WDR43: variants seen among roughly 807,000 people sequenced by gnomAD.
The protein encoded by WDR43 is WD repeat-containing protein 43.
In WDR43, 13 loss-of-function variants were observed where a neutral mutation model predicts 91.4. The ratio of observed to expected loss-of-function variants is 0.14; its 90% CI spans 0.09 to 0.23. The LOEUF is 0.23. WDR43 is among the 10% of genes least tolerant of loss of function. WDR43 has a pLI of 1.00. For synonymous variants in WDR43, 331 were observed against 287.9 expected (o/e 1.15, Z -1.51); for missense variants, 780 against 809.4 (o/e 0.96, Z 0.44).
rs1288529415 is a variant in WDR43 at position 28,938,019 on chromosome 2, C to T, written c.1620+25C>T. ...GGTGAGTCTTTTCAGCTTCTGTTGCCGAGTATGAATAGTTTGGCTTTGATA... is the reference window on the plus strand; with the variant it reads ...GGTGAGTCTTTTCAGCTTCTGTTGCTGAGTATGAATAGTTTGGCTTTGATA... On this transcript the variant is annotated intron_variant, in intron 14 of 17. Coordinates refer to ENST00000407426, the MANE Select transcript of WDR43 (RefSeq NM_015131.3). The T allele has an allele frequency of 3.7e-6, 6 of 1,609,856 alleles. No individual in the cohort carries two copies. In the East Asian group the frequency reaches 6.7e-5, roughly 18 times the overall value.
At chr2:28,936,218 C>A (rs1290580464) in intron 12 of WDR43, among the ~76,000 whole-genome samples, 1 of 151,906 alleles carries the variant, frequency 6.6e-6, no homozygotes, top group Non-Finnish European at 1.5e-5. Context: ...TATATAATTT[C>A]ACTGAAACTT....
chr2:28,906,901 A>G (rs1670692096), intron 3 of WDR43, among the ~76,000 whole-genome samples: 1 of 152,094 alleles, frequency 6.6e-6, no homozygotes, highest in Admixed American at 6.6e-5. Flanking sequence ...TAAGATTTGG[A>G]TAGAGGAGGG....
At chr2:28,907,682 G>T (rs1415186305) in intron 3 of WDR43, among the ~76,000 whole-genome samples, 1 of 152,110 alleles carries the variant, frequency 6.6e-6, no homozygotes, top group African/African-American at 2.4e-5. Flanking sequence ...AAGGCGGGAG[G>T]ATCATGAGGT....
intron 1 of WDR43, among the ~76,000 whole-genome samples, chr2:28,896,127 C>A (rs1223967859): frequency 1.3e-5 from 2 of 152,034 alleles, no homozygotes; most frequent in African/African-American, 4.8e-5. Flanking sequence ...GTTAAAATTA[C>A]AGCGCTCTGC....
rs1291135708 is a variant in WDR43 at position 28,902,016 on chromosome 2, A to G, written c.255A>G (p.Ser85=). 1.9e-6 allele frequency: 3 copies of G among 1,595,536 alleles called. No individual in the cohort carries two copies. Among genetic ancestry groups the G allele is most frequent in the Non-Finnish European group, 2.6e-6 (3 of 1,175,696 alleles). Residue 85 remains serine, a synonymous_variant, in exon 2 of 18, where the codon TCA becomes TCG. Transcript: ENST00000407426. ...KESPQRKKRK[S]EAVGMSNQTD... ...GTCCCCAGAGGAAAAAAAGGAAATCAGAAGCTGTAGGAATGAGTAACCAGA... is the reference window on the plus strand; with the variant it reads ...GTCCCCAGAGGAAAAAAAGGAAATCGGAAGCTGTAGGAATGAGTAACCAGA...
At chr2:28,911,989 TAACA>T (rs1670809646) in intron 3 of WDR43, among the ~76,000 whole-genome samples, 1 of 152,116 alleles carries the variant, frequency 6.6e-6, no homozygotes, top group Non-Finnish European at 1.5e-5. Context: ...TTAATATGAG[TAACA>T]AACAGCAAAG....
chr2:28,906,116 T>A (rs894150935), intron 2 of WDR43, among the ~76,000 whole-genome samples: 1 of 151,802 alleles, frequency 6.6e-6, no homozygotes, highest in African/African-American at 2.4e-5. Flanking sequence ...TCTTCTTAAA[T>A]TTTTTTTTAT....
intron 5 of WDR43, among the ~76,000 whole-genome samples, chr2:28,916,846 A>T (rs1039683604): frequency 6.6e-6 from 1 of 151,928 alleles, no homozygotes; most frequent in African/African-American, 2.4e-5. Context: ...AGCTTGTAAC[A>T]TTTTTGTCAT....
At chr2:28,917,010 A>G (rs1361879274) in intron 5 of WDR43, among the ~76,000 whole-genome samples, 1 of 152,200 alleles carries the variant, frequency 6.6e-6, no homozygotes, top group Non-Finnish European at 1.5e-5. Flanking sequence ...GGCACATCCC[A>G]GTCTTCTTGT....
At position 28,894,688 on chromosome 2, in the gene WDR43, C is replaced by A. The variant is rs1459696609; in HGVS notation, c.-11C>A. 2 of 1,552,170 alleles carry A rather than the reference C, an allele frequency of 1.3e-6. No individual in the cohort carries two copies. Among genetic ancestry groups the A allele is most frequent in the South Asian group, 2.4e-5 (2 of 84,226 alleles). ...GGACGAACACGTGGCTGCAGCGGGG[C>A]CAGAGCAGCAATGGCGGCGGGCGGC... On this transcript the variant is annotated 5_prime_UTR_variant, in exon 1 of 18. Coordinates refer to ENST00000407426, the MANE Select transcript of WDR43 (RefSeq NM_015131.3).
At chr2:28,939,216 CTT>C (rs2148198860) in intron 14 of WDR43, among the ~76,000 whole-genome samples, 1 of 151,840 alleles carries the variant, frequency 6.6e-6, no homozygotes, top group Non-Finnish European at 1.5e-5. Flanking sequence ...TGGGAGGTGA[CTT>C]GGGAGCACTG....
At chr2:28,942,834 C>T (rs1671466607) in intron 16 of WDR43, among the ~76,000 whole-genome samples, 1 of 151,896 alleles carries the variant, frequency 6.6e-6, no homozygotes, top group Admixed American at 6.6e-5. Context: ...CCAGGATGGT[C>T]TCAAACTCCT....
At chr2:28,906,679 C>A in intron 3 of WDR43, 98 bp downstream of exon 3, 3 of 1,353,964 alleles carry the variant, frequency 2.2e-6, no homozygotes, top group African/African-American at 1.5e-5. Context: ...GTTCCATTTA[C>A]AAAGAACTTT....
At chr2:28,938,529 TCATTACATC>T (rs1419438843) in intron 14 of WDR43, among the ~76,000 whole-genome samples, 1 of 152,220 alleles carries the variant, frequency 6.6e-6, no homozygotes, top group Non-Finnish European at 1.5e-5. Flanking sequence ...CTTTGCCACA[TCATTACATC>T]CATTATATTT....
intron 10 of WDR43, among the ~76,000 whole-genome samples, chr2:28,928,365 T>C (rs1423799741): frequency 6.6e-6 from 1 of 152,098 alleles, no homozygotes; most frequent in Non-Finnish European, 1.5e-5. Context: ...ATGCGTTTAT[T>C]GGGTGGTGGG....
At chr2:28,918,391 G>A (rs980971756) in intron 6 of WDR43, among the ~76,000 whole-genome samples, 2 of 151,130 alleles carry the variant, frequency 1.3e-5, no homozygotes, top group African/African-American at 2.4e-5. Context: ...TTTTTGAGAC[G>A]GAGTTTCGCT....
intron 3 of WDR43, among the ~76,000 whole-genome samples, chr2:28,908,502 A>G (rs560828420): frequency 5.3e-5 from 8 of 152,302 alleles, no homozygotes; most frequent in African/African-American, 1.7e-4. Flanking sequence ...TGTATTCTGG[A>G]TGAGAGGTCA....
intron 6 of WDR43, among the ~76,000 whole-genome samples, chr2:28,922,071 A>G (rs929550809): frequency 6.6e-6 from 1 of 152,160 alleles, no homozygotes; most frequent in Non-Finnish European, 1.5e-5. Flanking sequence ...CTTTAATAAA[A>G]TCTCTCCTTT....
At chr2:28,909,129 A>AT (rs1270975841) in intron 3 of WDR43, among the ~76,000 whole-genome samples, 4 of 151,352 alleles carry the variant, frequency 2.6e-5, no homozygotes, top group Admixed American at 6.6e-5. Context: ...TTATCCCGAG[A>AT]TTTTTTTTCT....
Sources: gnomAD v4.1 joint callset for allele counts (sites outside exome capture counted in the v4.1 genomes callset) on GRCh38, gnomAD v4.1.1 for gene constraint, MANE v1.5 for transcripts, NCBI Gene and HGNC (gene_info 2026-07-23, HGNC 2026-07-21) for gene names.